DENND1A: variants seen among roughly 807,000 people sequenced by gnomAD.
DENND1A encodes the protein DENN domain containing 1A.
In DENND1A, 51 loss-of-function variants were observed where a neutral mutation model predicts 113.7. The observed-to-expected ratio is 0.45, with a 90% confidence interval of 0.36 to 0.57. The LOEUF (loss-of-function observed/expected upper bound fraction) is 0.57. Among genes scored for constraint, DENND1A ranks in the 20% least tolerant of loss-of-function variants. The pLI is 0.00. For missense variants in DENND1A, 1,258 were observed against 1,395.9 expected, an observed-to-expected ratio of 0.90 and a Z score of 1.57; for synonymous variants, 565 against 570.8, an observed-to-expected ratio of 0.99 and a Z score of 0.14.
intron 13 of DENND1A, among the ~76,000 whole-genome samples, chr9:123,498,660 A>G (rs911716888): frequency 4.6e-5 from 7 of 152,120 alleles, no homozygotes; most frequent in Admixed American, 1.3e-4. Flanking sequence ...TTGGGGTCCA[A>G]TGGGCAAGTG....
chr9:123,407,342 C>T (rs139856511), intron 20 of DENND1A, among the ~76,000 whole-genome samples: 25 of 152,166 alleles, frequency 1.6e-4, no homozygotes, highest in Middle Eastern at 3.4e-3. Context: ...CTGACCATCC[C>T]GAGATACATC....
chr9:123,835,127 A>G (rs536764484), intron 2 of DENND1A, among the ~76,000 whole-genome samples: 14 of 151,926 alleles, frequency 9.2e-5, no homozygotes, highest in African/African-American at 3.1e-4. Flanking sequence ...AAAAAAAAAA[A>G]GCAAATGTCT....
intron 1 of DENND1A, among the ~76,000 whole-genome samples, chr9:123,916,529 C>A (rs890322979): frequency 6.6e-6 from 1 of 151,996 alleles, no homozygotes; most frequent in African/African-American, 2.4e-5. Flanking sequence ...TGTGCCACCA[C>A]GCCCAGCTTA....
chr9:123,502,187 A>G (rs2052546096), intron 13 of DENND1A, among the ~76,000 whole-genome samples: 1 of 151,814 alleles, frequency 6.6e-6, no homozygotes, highest in Non-Finnish European at 1.5e-5. Context: ...CAGGCTCCAT[A>G]TCTCTATCTC....
intron 13 of DENND1A, among the ~76,000 whole-genome samples, chr9:123,509,899 G>C (rs967657747): frequency 2.0e-5 from 3 of 152,190 alleles, no homozygotes; most frequent in African/African-American, 7.2e-5. Context: ...CATCTCCAAT[G>C]CCTCTATCTC....
At chr9:123,819,420 G>A (rs73666296) in intron 2 of DENND1A, among the ~76,000 whole-genome samples, 11,033 of 152,258 alleles carry the variant, frequency 0.072, 799 homozygotes, top group African/African-American at 0.19. Flanking sequence ...AAGAGATTCA[G>A]AGAACAACAG....
rs1050857722 is a variant in DENND1A, at chr9:123,392,504, C to T, written c.1632-4646G>A. On this transcript the variant is annotated intron_variant, in intron 21 of 23. Transcript: ENST00000394215. ...GCTGTGTCCCTCTGTCACGTGGCTC[C>T]AGTGGGCAGGTGCTGACGAGCAGGG... is the stretch of plus-strand genomic sequence containing the variant. 2.0e-5 allele frequency among the ~76,000 whole-genome samples: 3 copies of T among 152,066 alleles called. No individual in the cohort carries two copies. The East Asian group carries it at 5.8e-4, about 29-fold the overall frequency.
chr9:123,520,033 G>T (rs143216822), intron 13 of DENND1A, among the ~76,000 whole-genome samples: 1 of 151,212 alleles, frequency 6.6e-6, no homozygotes, highest in Non-Finnish European at 1.5e-5. Flanking sequence ...GATGGTGCAC[G>T]CCTGTGGTCC....
At chr9:123,524,754 G>T (rs2054675970) in intron 13 of DENND1A, among the ~76,000 whole-genome samples, 1 of 152,170 alleles carries the variant, frequency 6.6e-6, no homozygotes, top group Admixed American at 6.5e-5. Context: ...TTCAAGAGGG[G>T]GTCACTGTCC....
chr9:123,832,850 G>A (rs949276792), intron 2 of DENND1A, among the ~76,000 whole-genome samples: 25 of 152,086 alleles, frequency 1.6e-4, no homozygotes, highest in East Asian at 7.7e-4. Flanking sequence ...TTAAGATAAT[G>A]GTTTTAGCTG....
intron 1 of DENND1A, among the ~76,000 whole-genome samples, chr9:123,908,790 A>C (rs988678085): frequency 2.0e-5 from 3 of 152,062 alleles, no homozygotes; most frequent in Non-Finnish European, 4.4e-5. Flanking sequence ...GTCAGTGTGG[A>C]GATTCCTCAG....
intron 19 of DENND1A, among the ~76,000 whole-genome samples, chr9:123,418,310 C>T (rs1319386400): frequency 2.6e-5 from 4 of 152,158 alleles, no homozygotes; most frequent in Non-Finnish European, 4.4e-5. Flanking sequence ...GAGGGGACCT[C>T]TTTGGCCTTT....
At chr9:123,703,039 T>C (rs2065973106) in intron 5 of DENND1A, among the ~76,000 whole-genome samples, 1 of 152,228 alleles carries the variant, frequency 6.6e-6, no homozygotes, top group Admixed American at 6.5e-5. Flanking sequence ...TGGAGTGTAG[T>C]GGCGCGATCT....
chr9:123,820,880 C>T (rs1340341855), intron 2 of DENND1A, among the ~76,000 whole-genome samples: 4 of 152,182 alleles, frequency 2.6e-5, no homozygotes, highest in African/African-American at 9.7e-5. Flanking sequence ...CATGTCAGTT[C>T]CCTTGTCATA....
chr9:123,820,811 T>C (rs1466641595), intron 2 of DENND1A, among the ~76,000 whole-genome samples: 2 of 152,236 alleles, frequency 1.3e-5, no homozygotes, highest in African/African-American at 4.8e-5. Flanking sequence ...TATCACAAAA[T>C]TGATTTTCTT....
At chr9:123,895,363 G>A (rs1012350245) in intron 1 of DENND1A, among the ~76,000 whole-genome samples, 1 of 152,140 alleles carries the variant, frequency 6.6e-6, no homozygotes, top group African/African-American at 2.4e-5. Flanking sequence ...GTTCACACCT[G>A]TAATCCCAGC....
At chr9:123,912,099 A>C (rs542260421) in intron 1 of DENND1A, among the ~76,000 whole-genome samples, 2 of 152,188 alleles carry the variant, frequency 1.3e-5, no homozygotes. Flanking sequence ...CGAGTATATA[A>C]CCATTAAAAA....
chr9:123,687,613 C>A (rs1201611768), intron 5 of DENND1A, among the ~76,000 whole-genome samples: 3 of 152,172 alleles, frequency 2.0e-5, no homozygotes, highest in Non-Finnish European at 4.4e-5. Flanking sequence ...AGAGAGCTGG[C>A]AACAAAGACA....
chr9:123,483,106 A>G (rs2050483845), intron 13 of DENND1A, among the ~76,000 whole-genome samples: 1 of 152,144 alleles, frequency 6.6e-6, no homozygotes, highest in African/African-American at 2.4e-5. Context: ...GGAATTCAAG[A>G]GAGGCTTTAG....
Sources: gnomAD v4.1 joint callset for allele counts (sites outside exome capture counted in the v4.1 genomes callset) on GRCh38, gnomAD v4.1.1 for gene constraint, MANE v1.5 for transcripts, NCBI Gene and HGNC (gene_info 2026-07-23, HGNC 2026-07-21) for gene names.